LRRK2: variants seen among roughly 807,000 people sequenced by gnomAD.
LRRK2 encodes the protein leucine rich repeat kinase 2.
Under a neutral mutation model 302.6 loss-of-function variants are expected in LRRK2, and 203 were observed. The observed-to-expected ratio is 0.67, with a 90% CI of 0.60 to 0.75. LRRK2 has a LOEUF of 0.75. LRRK2 is among the 30% of genes least tolerant of loss of function. The pLI is 0.00. For missense variants in LRRK2, 2,830 were observed against 2,951.0 expected (o/e 0.96, Z 0.95); for synonymous variants, 1,066 against 1,031.9 (o/e 1.03, Z -0.63).
intron 14 of LRRK2, among the ~76,000 whole-genome samples, chr12:40,266,082 A>C (rs1183615432): frequency 6.6e-6 from 1 of 152,256 alleles, no homozygotes; most frequent in Non-Finnish European, 1.5e-5. Flanking sequence ...TATTCAGGAC[A>C]TAGGCATAGG....
intron 45 of LRRK2, among the ~76,000 whole-genome samples, chr12:40,354,760 C>T (rs892317578): frequency 2.6e-5 from 4 of 152,022 alleles, no homozygotes; most frequent in African/African-American, 9.7e-5. Context: ...GGCTCTATCT[C>T]TTTACTTCTC....
intron 26 of LRRK2, 49 bp downstream of exon 26, chr12:40,302,931 A>C (rs780052293): frequency 8.2e-7 from 1 of 1,212,788 alleles, no homozygotes; most frequent in South Asian, 1.2e-5. Context: ...CTGGAACAGA[A>C]CCTTTAGAAA....
At chr12:40,321,910 C>A in intron 35 of LRRK2, 125 bp from the exon 36 acceptor site, 1 of 883,866 alleles carries the variant, frequency 1.1e-6, no homozygotes, top group Non-Finnish European at 1.8e-6. Flanking sequence ...GGACTCATAT[C>A]AGTAACAACC....
chr12:40,236,352 A>G (rs1394569654), intron 4 of LRRK2, among the ~76,000 whole-genome samples: 1 of 152,146 alleles, frequency 6.6e-6, no homozygotes, highest in East Asian at 1.9e-4. Flanking sequence ...AAGTGCAGAG[A>G]AGTTGCTTTG....
At chr12:40,227,856 C>T (rs1163070256) in intron 2 of LRRK2, 1 of 152,168 alleles carries the variant, frequency 6.6e-6, no homozygotes, top group African/African-American at 2.4e-5. Context: ...CCACCATGCT[C>T]AGCTAATTTT....
Position 40,359,382 on chromosome 12 carries a change from G to T in LRRK2, c.6966G>T (p.Lys2322Asn), listed in dbSNP as rs1262819853. 6.2e-7 allele frequency: 1 copy of T among 1,613,132 alleles called. No homozygotes were observed. The highest frequency in any genetic ancestry group is 1.3e-5 in the African/African-American group (1 of 74,842). ...TAATGTGGGGAGGATGTGGCACAAAGATTTTCTCCTTTTCTAATGATTTCA... is the reference window on the plus strand; with the variant it reads ...TAATGTGGGGAGGATGTGGCACAAATATTTTCTCCTTTTCTAATGATTTCA... ...RNVMWGGCGT[K>N]IFSFSNDFTI... Residue 2322 changes from lysine (K) to asparagine (N), a missense_variant, in exon 47 of 51, where the codon AAG becomes AAT. Transcript: ENST00000298910.
At chr12:40,343,736 C>G (rs1297687237) in intron 41 of LRRK2, among the ~76,000 whole-genome samples, 2 of 152,062 alleles carry the variant, frequency 1.3e-5, no homozygotes, top group Non-Finnish European at 2.9e-5. Context: ...GGAAATTATA[C>G]TTATTTTTTA....
intron 24 of LRRK2, 42 bp downstream of exon 24, chr12:40,298,535 T>G (rs770814928): frequency 3.7e-6 from 6 of 1,610,218 alleles, no homozygotes; most frequent in Middle Eastern, 1.7e-4. Flanking sequence ...TGCCTAAATA[T>G]GCTGATGTTA....
chr12:40,315,155 C>A, intron 32 of LRRK2, 57 bp from the exon 33 acceptor site: 1 of 1,399,944 alleles, frequency 7.1e-7, no homozygotes, highest in Non-Finnish European at 1.0e-6. Flanking sequence ...TTTTCTAAAG[C>A]CCCTTGATAT....
Position 40,240,672 on chromosome 12 carries a change from C to A in LRRK2, c.706+55C>A, listed in dbSNP as rs17484141. The A allele has an allele frequency of 0.01, 14,925 of 1,485,342 alleles. 1,292 individuals carry two copies. In the Admixed American group the frequency reaches 0.18, roughly 18 times the overall value. 92.0% of individuals were successfully genotyped at this position (1,485,342 alleles called of 1,614,324 possible). ...TTGTATCTGAAAAATTACAATATAT[C>A]TCATTCTGAGTATATTTTAACAATA... On this transcript the variant is annotated intron_variant, in intron 6 of 50. Coordinates refer to ENST00000298910, the MANE Select transcript of LRRK2 (RefSeq NM_198578.4).
intron 30 of LRRK2, 112 bp from the exon 31 acceptor site, chr12:40,310,319 C>A: frequency 2.0e-6 from 2 of 985,324 alleles, no homozygotes; most frequent in Non-Finnish European, 3.2e-6. Flanking sequence ...CTGAAGTCTG[C>A]TAGTTTCTCT....
intron 19 of LRRK2, among the ~76,000 whole-genome samples, chr12:40,286,056 A>T (rs769368344): frequency 1.1e-4 from 16 of 151,982 alleles, no homozygotes; most frequent in Non-Finnish European, 2.1e-4. Flanking sequence ...TTGTGGGCCC[A>T]TTGGAGAGGG....
At chr12:40,294,163 CT>C (rs777297689) in intron 21 of LRRK2, among the ~76,000 whole-genome samples, 1 of 144,588 alleles carries the variant, frequency 6.9e-6, no homozygotes, top group Non-Finnish European at 1.5e-5. Flanking sequence ...ATCTATCTAT[CT>C]ATCTATCTAT....
rs1383161654 is a variant in LRRK2 at position 40,351,530 on chromosome 12, C to T, written c.6382-9C>T. 6 of 1,613,588 alleles carry T rather than the reference C, an allele frequency of 3.7e-6. No homozygotes were observed. The African/African-American group carries it at 6.7e-5, about 18-fold the overall frequency. ...TAAGTACTGTTTTGTTATCTTTAAA[C>T]TTTCTCAGGTCTTTGACATTTTGAA... On this transcript the variant is annotated splice_polypyrimidine_tract_variant and intron_variant, in intron 43 of 50. Transcript: ENST00000298910.
chr12:40,280,528 G>A (rs1943641894), intron 18 of LRRK2, among the ~76,000 whole-genome samples: 1 of 151,828 alleles, frequency 6.6e-6, no homozygotes. Flanking sequence ...GGGAGTCTGA[G>A]GTGGGAGGAT....
intron 48 of LRRK2, among the ~76,000 whole-genome samples, chr12:40,364,391 A>G (rs1309247102): frequency 6.6e-6 from 1 of 151,990 alleles, no homozygotes; most frequent in Non-Finnish European, 1.5e-5. Flanking sequence ...TTTGTCATGA[A>G]TTAGACTATT....
At chr12:40,328,716 C>T (rs1289946330) in intron 39 of LRRK2, among the ~76,000 whole-genome samples, 1 of 152,188 alleles carries the variant, frequency 6.6e-6, no homozygotes, top group African/African-American at 2.4e-5. Context: ...GTAAGACTCA[C>T]TTACACTCCT....
At chr12:40,320,995 T>A in intron 34 of LRRK2, 39 bp from the exon 35 acceptor site, 1 of 1,610,288 alleles carries the variant, frequency 6.2e-7, no homozygotes, top group Non-Finnish European at 8.5e-7. Context: ...GTTGGGTGTT[T>A]TGTGAGGCTG....
intron 18 of LRRK2, among the ~76,000 whole-genome samples, chr12:40,280,081 A>T (rs1383706623): frequency 3.3e-5 from 5 of 152,242 alleles, no homozygotes; most frequent in South Asian, 2.1e-4. Context: ...AATACTGGGT[A>T]TGCAAATGCA....
Sources: gnomAD v4.1 joint callset for allele counts (sites outside exome capture counted in the v4.1 genomes callset) on GRCh38, gnomAD v4.1.1 for gene constraint, MANE v1.5 for transcripts, NCBI Gene and HGNC (gene_info 2026-07-23, HGNC 2026-07-21) for gene names.